The following CNNM1 variants were observed in gnomAD, a reference collection of about 807,000 sequenced individuals.
CNNM1 encodes metal transporter CNNM1.
In CNNM1, 44 loss-of-function variants were observed where a neutral mutation model predicts 78.8. The ratio of observed to expected loss-of-function variants is 0.56; its 90% CI spans 0.44 to 0.72. The LOEUF is 0.72. Among genes scored for constraint, CNNM1 ranks in the 30% least tolerant of loss-of-function variants. CNNM1 has a pLI of 0.00. For missense variants in CNNM1, 1,101 were observed against 1,292.2 expected, an observed-to-expected ratio of 0.85 and a Z score of 2.27; for synonymous variants, 584 against 581.5, an observed-to-expected ratio of 1.00 and a Z score of -0.06.
In CNNM1 at chr10:99,338,805, G is replaced by A. The variant is rs140476445; in HGVS notation, c.1573+7845G>A. 3.6e-3 allele frequency among the ~76,000 whole-genome samples: 551 copies of A among 152,234 alleles called. 2 individuals carry two copies. Among genetic ancestry groups the A allele is most frequent in the African/African-American group, 0.012 (509 of 41,536 alleles). ...AAGAAAACAAAAGGAAAAGCCCATT[G>A]TCCTGCCATCAAGCACAAATCAAAT... On this transcript the variant is annotated intron_variant, in intron 1 of 10. Coordinates refer to ENST00000356713, the MANE Select transcript of CNNM1 (RefSeq NM_020348.3).
At chr10:99,388,626 G>C (rs932640728) in intron 9 of CNNM1, among the ~76,000 whole-genome samples, 1 of 152,102 alleles carries the variant, frequency 6.6e-6, no homozygotes, top group African/African-American at 2.4e-5. Flanking sequence ...TTTTTTATCT[G>C]AATGGATAAG....
At chr10:99,335,630 G>T (rs1474193643) in intron 1 of CNNM1, among the ~76,000 whole-genome samples, 2 of 152,146 alleles carry the variant, frequency 1.3e-5, no homozygotes, top group Non-Finnish European at 2.9e-5. Flanking sequence ...GGCACCACTT[G>T]TCCCTTTAGT....
chr10:99,368,196 T>A (rs2031686281), intron 6 of CNNM1: 1 of 195,798 alleles, frequency 5.1e-6, no homozygotes, highest in Non-Finnish European at 1.1e-5. Context: ...TTCAGGCCTC[T>A]GAGTACCTGT....
chr10:99,344,482 T>G (rs1422334353), intron 1 of CNNM1, among the ~76,000 whole-genome samples: 6 of 152,284 alleles, frequency 3.9e-5, no homozygotes, highest in African/African-American at 1.4e-4. Context: ...TGTATACAGT[T>G]AGTCATCTTG....
chr10:99,360,156 T>C (rs1386848818), intron 2 of CNNM1, among the ~76,000 whole-genome samples: 2 of 152,156 alleles, frequency 1.3e-5, no homozygotes, highest in Non-Finnish European at 2.9e-5. Context: ...CCTCTCTTCT[T>C]CCCTATATTT....
At chr10:99,354,511 A>G (rs1408166281) in intron 1 of CNNM1, among the ~76,000 whole-genome samples, 1 of 152,342 alleles carries the variant, frequency 6.6e-6, no homozygotes, top group East Asian at 1.9e-4. Flanking sequence ...ATTTAAGTAT[A>G]TGATCCTTTG....
At chr10:99,336,193 C>T (rs1204700785) in intron 1 of CNNM1, among the ~76,000 whole-genome samples, 2 of 152,218 alleles carry the variant, frequency 1.3e-5, no homozygotes, top group African/African-American at 4.8e-5. Flanking sequence ...ATTCCTGTCA[C>T]CTAGTGATGT....
Position 99,329,482 on chromosome 10 carries a change from C to A in CNNM1, c.95C>A (p.Ser32Tyr). ...GAVLLLFFSL[S>Y]PRPPAAAAWL... is the part of the protein sequence containing the mutation. ...GTGCTCCTGCTCTTCTTTTCCCTGTCTCCTCGGCCCCCGGCCGCCGCCGCC... is the reference window on the plus strand; with the variant it reads ...GTGCTCCTGCTCTTCTTTTCCCTGTATCCTCGGCCCCCGGCCGCCGCCGCC... Residue 32 changes from serine (S) to tyrosine (Y), a missense_variant, in exon 1 of 11, where the codon TCT becomes TAT. By Grantham distance (144) the Ser-to-Tyr change is moderately radical. Around this residue, in one of 3 missense-constraint regions of CNNM1, gnomAD observed 476 missense variants for 484.5 expected, o/e 0.98. Transcript: ENST00000356713. 1.3e-6 allele frequency: 2 copies of A among 1,489,606 alleles called. No individual in the cohort carries two copies. Among genetic ancestry groups the A allele is most frequent in the African/African-American group, 1.4e-5 (1 of 69,174 alleles). 92.3% of individuals were successfully genotyped at this position (1,489,606 alleles called of 1,614,324 possible).
intron 1 of CNNM1, among the ~76,000 whole-genome samples, chr10:99,347,782 A>G (rs1368484248): frequency 6.6e-6 from 1 of 151,900 alleles, no homozygotes; most frequent in Non-Finnish European, 1.5e-5. Context: ...CCTTAAGCAC[A>G]TCAGTTACAC....
rs2032004113 is a variant in CNNM1 at position 99,377,294 on chromosome 10, C to A, written c.2340+76C>A. On this transcript the variant is annotated intron_variant, in intron 7 of 10. Transcript: ENST00000356713. ...TGGCTGAGCGGGACAAGAAGACTAC[C>A]CCCATTCCTAGGAGGGATGTGTGCA... is the stretch of plus-strand genomic sequence containing the variant. The A allele has an allele frequency of 2.9e-6, 4 of 1,402,458 alleles. No homozygotes were observed. The East Asian group carries it at 7.1e-5, about 25-fold the overall frequency. The allele number at this position is 1,402,458 out of a possible 1,614,324, so 86.9% of individuals were successfully genotyped here. A position where few individuals can be genotyped will look rare whatever the true frequency, so the allele number is the denominator to read the frequency against.
At chr10:99,341,494 A>C (rs2030457232) in intron 1 of CNNM1, among the ~76,000 whole-genome samples, 1 of 152,194 alleles carries the variant, frequency 6.6e-6, no homozygotes, top group Non-Finnish European at 1.5e-5. Flanking sequence ...CCTGGGGTAC[A>C]GGCAAGGGAA....
In CNNM1 at chr10:99,329,773, G is replaced by T; in HGVS notation, c.386G>T (p.Gly129Val). ...APSAVPTRPPGPQRCREQSDW... is the reference protein window; with the variant it reads ...APSAVPTRPPVPQRCREQSDW... ...AGCGCGGTCCCCACTCGCCCCCCGG[G>T]ACCGCAGCGCTGCAGGGAGCAGAGC... The change falls in exon 1 of 11, where the codon GGA becomes GTA. Residue 129 changes from glycine (G) to valine (V), a missense_variant. Gly to Val is a moderately radical substitution (Grantham distance 109). Transcript: ENST00000356713. The T allele has an allele frequency of 6.7e-7, 1 of 1,495,170 alleles. No homozygotes were observed. The highest frequency in any genetic ancestry group is 8.8e-7 in the Non-Finnish European group (1 of 1,130,230). 92.6% of individuals were successfully genotyped at this position (1,495,170 alleles called of 1,614,324 possible).
chr10:99,346,898 C>T (rs2030718845), intron 1 of CNNM1, among the ~76,000 whole-genome samples: 1 of 152,236 alleles, frequency 6.6e-6, no homozygotes, highest in African/African-American at 2.4e-5. Context: ...GCGTGAGCCA[C>T]TGCACTCGGC....
rs571669839 is a variant in CNNM1 at position 99,339,538 on chromosome 10, A to C, written c.1573+8578A>C. Among the ~76,000 whole-genome samples the C allele has an allele frequency of 2.0e-5, 3 of 152,314 alleles. No individual in the cohort carries two copies. The South Asian group carries it at 6.2e-4, about 32-fold the overall frequency. On this transcript the variant is annotated intron_variant, in intron 1 of 10. Coordinates refer to ENST00000356713, the MANE Select transcript of CNNM1 (RefSeq NM_020348.3). ...GATCAGCTGGGGCATTAGGAGCGAG[A>C]ACCCTATTGTGAACTGCATATGCAA...
At chr10:99,334,077 T>G (rs574066193) in intron 1 of CNNM1, among the ~76,000 whole-genome samples, 1 of 152,334 alleles carries the variant, frequency 6.6e-6, no homozygotes, top group South Asian at 2.1e-4. Context: ...ATGCAGAATT[T>G]TATGCCTCAC....
Position 99,330,519 on chromosome 10 carries a change from C to T in CNNM1, c.1132C>T (p.Arg378Cys). The part of the protein sequence containing the change: ...AAFPVCYPLG[R>C]LLDWALRQEI... ...CTTCCCCGTGTGCTACCCGCTGGGC[C>T]GCCTGCTGGACTGGGCGCTGCGCCA... The change falls in exon 1 of 11, where the codon CGC becomes TGC. Residue 378 changes from arginine (R) to cysteine (C), a missense_variant. Arg to Cys is a radical substitution (Grantham distance 180, BLOSUM62 -3). Transcript: ENST00000356713. 1 of 1,588,472 alleles carries T rather than the reference C, an allele frequency of 6.3e-7. No homozygotes were observed. Among genetic ancestry groups the T allele is most frequent in the Non-Finnish European group, 8.6e-7 (1 of 1,168,052 alleles).
chr10:99,356,829 A>G (rs1294795225), intron 1 of CNNM1, among the ~76,000 whole-genome samples: 2 of 152,184 alleles, frequency 1.3e-5, no homozygotes, highest in African/African-American at 4.8e-5. Context: ...CCTCTCCACT[A>G]TGGTGGCCTC....
At chr10:99,380,400 C>A (rs974078397) in intron 7 of CNNM1, among the ~76,000 whole-genome samples, 3 of 152,130 alleles carry the variant, frequency 2.0e-5, no homozygotes, top group Non-Finnish European at 4.4e-5. Flanking sequence ...TTAGGCTTTA[C>A]AGATTGGACA....
Position 99,387,959 on chromosome 10 carries a change from A to G in CNNM1, c.2480A>G (p.Asp827Gly), listed in dbSNP as rs763346718. Reference protein sequence around the residue: ...TTRGTPQTPKDDPAITLLNNR... With the variant: ...TTRGTPQTPKGDPAITLLNNR... ...CGGGGCACACCCCAGACCCCTAAGG[A>G]TGACCCCGCCATCACGCTCCTCAAC... The change falls in exon 8 of 11, where the codon GAT becomes GGT. Residue 827 changes from aspartate (D) to glycine (G), a missense_variant. Physicochemically the swap from Asp to Gly is moderately conservative, Grantham distance 94 (BLOSUM62 -1). Coordinates refer to ENST00000356713, the MANE Select transcript of CNNM1 (RefSeq NM_020348.3). The G allele has an allele frequency of 6.2e-7, 1 of 1,605,220 alleles. No individual in the cohort carries two copies.
Sources: gnomAD v4.1 joint callset for allele counts (sites outside exome capture counted in the v4.1 genomes callset) on GRCh38, gnomAD v4.1.1 for gene constraint, gnomAD v4.1.1 regional missense constraint, MANE v1.5 for transcripts, NCBI Gene and HGNC (gene_info 2026-07-23, HGNC 2026-07-21) for gene names.